EDNRB: variants seen among roughly 807,000 people sequenced by gnomAD.
EDNRB encodes endothelin receptor type B, also known as Hirschsprung disease 2.
EDNRB carries 18 observed loss-of-function variants against 46.4 expected under a neutral mutation model. That is an observed-to-expected ratio of 0.39 (90% CI 0.27 to 0.57). The LOEUF is 0.57. EDNRB is among the 20% of genes least tolerant of loss of function. EDNRB has a pLI of 0.61. For synonymous variants in EDNRB, 213 were observed against 204.9 expected (o/e 1.04, Z -0.34); for missense variants, 434 against 537.5 (o/e 0.81, Z 1.90).
Position 77,948,893 on chromosome 13 carries a change from G to A in EDNRB, c.-52+26454C>T, listed in dbSNP as rs535971097. The stretch of plus-strand genomic sequence containing the variant: ...CACAAAGCTAAAGAAAATACCTTGG[G>A]AAGTAAAACATAAAAGATTGCTGCA... On this transcript the variant is annotated intron_variant, in intron 1 of 7. Transcript: ENST00000646948. Among the ~76,000 whole-genome samples, 3 of 152,180 alleles carry A rather than the reference G, an allele frequency of 2.0e-5. No individual in the cohort carries two copies. In the East Asian group the frequency reaches 5.8e-4, roughly 29 times the overall value.
intron 1 of EDNRB, among the ~76,000 whole-genome samples, chr13:77,925,983 G>C (rs923870075): frequency 2.0e-5 from 3 of 152,224 alleles, no homozygotes; most frequent in Non-Finnish European, 4.4e-5. Flanking sequence ...GGCATCAAAA[G>C]AGATCATTTT....
At chr13:77,930,185 C>T (rs549314788) in intron 1 of EDNRB, among the ~76,000 whole-genome samples, 4 of 152,174 alleles carry the variant, frequency 2.6e-5, no homozygotes, top group Admixed American at 1.3e-4. Flanking sequence ...GTTTACTGGT[C>T]TGCAAAAACA....
At chr13:77,961,674 A>C (rs1479411032) in intron 1 of EDNRB, among the ~76,000 whole-genome samples, 1 of 152,240 alleles carries the variant, frequency 6.6e-6, no homozygotes, top group Non-Finnish European at 1.5e-5. Context: ...CACAGGAGAA[A>C]GCAGGAAAGA....
chr13:77,927,340 T>G (rs780657371), intron 1 of EDNRB, among the ~76,000 whole-genome samples: 1 of 152,154 alleles, frequency 6.6e-6, no homozygotes, highest in Non-Finnish European at 1.5e-5. Flanking sequence ...TGTTCTAGAT[T>G]AACACAGTGA....
chr13:77,965,746 A>G (rs1303777285), intron 1 of EDNRB, among the ~76,000 whole-genome samples: 1 of 152,202 alleles, frequency 6.6e-6, no homozygotes, highest in Non-Finnish European at 1.5e-5. Flanking sequence ...GTACACAAGT[A>G]AAGAAAATGC....
chr13:77,940,106 A>T (rs999562519), intron 1 of EDNRB: 4 of 152,194 alleles, frequency 2.6e-5, no homozygotes, highest in Non-Finnish European at 4.4e-5. Context: ...TAATACAGTT[A>T]TTCATTTGTT....
In EDNRB at chr13:77,897,753, A is replaced by T; in HGVS notation, c.*447T>A. The T allele has an allele frequency of 2.0e-6, 2 of 985,262 alleles. No individual in the cohort carries two copies. Among genetic ancestry groups the T allele is most frequent in the Non-Finnish European group, 2.4e-6 (2 of 827,722 alleles). The allele number at this position is 985,262 out of a possible 1,614,324, so 61.0% of individuals were successfully genotyped here. On this transcript the variant is annotated 3_prime_UTR_variant, in exon 7 of 7. Coordinates refer to ENST00000646607, the MANE Select transcript of EDNRB (RefSeq NM_001122659.3). ...ATTAATTGAAAAGTTGTTTTAAAGG[A>T]TTTTAAAATTTTAAATTGAGTAATT...
intron 1 of EDNRB, among the ~76,000 whole-genome samples, chr13:77,951,730 T>A (rs1473433938): frequency 6.6e-6 from 1 of 152,146 alleles, no homozygotes; most frequent in African/African-American, 2.4e-5. Context: ...TTCTAACCTC[T>A]CAAGTTGGGC....
At chr13:77,960,196 G>T (rs906644587) in intron 1 of EDNRB, among the ~76,000 whole-genome samples, 1 of 152,144 alleles carries the variant, frequency 6.6e-6, no homozygotes, top group Non-Finnish European at 1.5e-5. Context: ...ATGCCACAAA[G>T]ATACTCCTCG....
chr13:77,973,929 CT>C (rs1188792006), intron 1 of EDNRB, among the ~76,000 whole-genome samples: 3 of 138,058 alleles, frequency 2.2e-5, no homozygotes, highest in Non-Finnish European at 3.0e-5. Flanking sequence ...TCTGCCCCCC[CT>C]TTTTTCCTTT....
chr13:77,918,260 G>A lies in EDNRB; in HGVS notation c.314C>T (p.Thr105Met), dbSNP rs368400131. ...CACGAACACAAGGCAGGACACAACCGTGTTGATGTATTTGAAAGTCTCCTT... is the reference window on the plus strand; with the variant it reads ...CACGAACACAAGGCAGGACACAACCATGTTGATGTATTTGAAAGTCTCCTT... ...EIKETFKYINTVVSCLVFVLG... is the reference protein window; with the variant it reads ...EIKETFKYINMVVSCLVFVLG... The change falls in exon 1 of 7, where the codon ACG becomes ATG. Residue 105 changes from threonine to methionine, a missense_variant. Transcript: ENST00000646607. The surrounding 1 kb of genome is among the most constrained non-coding windows in gnomAD (Gnocchi z 4.5). 2.3e-5 allele frequency: 37 copies of A among 1,613,976 alleles called. 1 individual carries two copies. In the Admixed American group the frequency reaches 2.7e-4, roughly 12 times the overall value.
At chr13:77,934,978 G>T (rs978194239) in intron 1 of EDNRB, among the ~76,000 whole-genome samples, 1 of 146,224 alleles carries the variant, frequency 6.8e-6, no homozygotes, top group Admixed American at 7.0e-5. Context: ...GTCAGGTGTG[G>T]TATCAGGAAT....
At chr13:77,935,281 A>G (rs978585721) in intron 1 of EDNRB, among the ~76,000 whole-genome samples, 1 of 152,202 alleles carries the variant, frequency 6.6e-6, no homozygotes, top group African/African-American at 2.4e-5. Context: ...GCGCAGTCCC[A>G]GTTCTTGTGT....
chr13:77,899,786 T>C, intron 6 of EDNRB, 73 bp downstream of exon 6: 1 of 1,091,070 alleles, frequency 9.2e-7, no homozygotes, highest in Non-Finnish European at 1.4e-6. Context: ...TCTGGATAGA[T>C]ATATTAGCAG....
intron 1 of EDNRB, among the ~76,000 whole-genome samples, chr13:77,912,559 T>G (rs1438053028): frequency 1.3e-5 from 2 of 152,114 alleles, no homozygotes; most frequent in African/African-American, 4.8e-5. Context: ...AGCCCACTAC[T>G]CTTATGTCTT....
intron 6 of EDNRB, 44 bp from the exon 7 acceptor site, chr13:77,898,378 C>G: frequency 6.2e-7 from 1 of 1,608,496 alleles, no homozygotes. Flanking sequence ...CATCAGTCAC[C>G]TTTCCCAACT....
upstream of EDNRB, chr13:77,919,245 G>C (rs868371705): frequency 2.2e-5 from 18 of 810,428 alleles, no homozygotes; most frequent in African/African-American, 2.6e-4. Context: ...TCAAACACTC[G>C]CGCTCCTTCC....
chr13:77,901,232 G>T, intron 3 of EDNRB, 25 bp from the exon 4 acceptor site: 1 of 1,606,396 alleles, frequency 6.2e-7, no homozygotes. Flanking sequence ...GAATTTTTAC[G>T]ATTAATACTC....
At chr13:77,920,101 C>T (rs528513389), upstream of EDNRB, among the ~76,000 whole-genome samples, 1 of 152,250 alleles carries the variant, frequency 6.6e-6, no homozygotes, top group South Asian at 2.1e-4. Context: ...TCATTTTCCC[C>T]AGTACAGCTC....
Sources: gnomAD v4.1 joint callset for allele counts (sites outside exome capture counted in the v4.1 genomes callset) on GRCh38, gnomAD v4.1.1 for gene constraint, Gnocchi (gnomAD v3.1) non-coding constraint, MANE v1.5 for transcripts, NCBI Gene and HGNC (gene_info 2026-07-23, HGNC 2026-07-21) for gene names.